Variants in PEAK1 observed in about 807,000 individuals in gnomAD.
PEAK1 encodes the protein inactive tyrosine-protein kinase PEAK1.
In PEAK1, 54 loss-of-function variants were observed where a neutral mutation model predicts 124.7. The observed-to-expected ratio is 0.43, with a 90% CI of 0.35 to 0.54. The LOEUF (loss-of-function observed/expected upper bound fraction) is 0.54, where lower values mean the gene tolerates loss of function less well. Ranked by LOEUF, PEAK1 falls within the 20% of genes least tolerant of loss-of-function variation. PEAK1 has a pLI of 0.01. For missense variants in PEAK1, 2,046 were observed against 2,134.5 expected (o/e 0.96, Z 0.82); for synonymous variants, 719 against 760.0 (o/e 0.95, Z 0.89).
intron 8 of PEAK1, among the ~76,000 whole-genome samples, chr15:77,155,006 A>G (rs1453373976): frequency 6.6e-6 from 1 of 152,012 alleles, no homozygotes; most frequent in Non-Finnish European, 1.5e-5. Flanking sequence ...CGTTCTCTGT[A>G]TTTCCCGAAT....
intron 6 of PEAK1, among the ~76,000 whole-genome samples, chr15:77,216,260 G>A (rs1232563064): frequency 6.6e-6 from 1 of 152,082 alleles, no homozygotes; most frequent in Non-Finnish European, 1.5e-5. Context: ...TTTAATATGA[G>A]GGATCTTCGA....
intron 7 of PEAK1, 123 bp from the exon 8 acceptor site, chr15:77,158,819 C>A: frequency 1.1e-6 from 1 of 889,962 alleles, no homozygotes; most frequent in Non-Finnish European, 1.7e-6. Flanking sequence ...ATACACTTGT[C>A]TGAACACAAG....
rs1035441215 is a variant in PEAK1 at position 77,347,178 on chromosome 15, C to T, written c.-603+17985G>A. 1.5e-5 allele frequency: 14 copies of T among 959,536 alleles called. No homozygotes were observed. In the Admixed American group the frequency reaches 1.8e-4, roughly 13 times the overall value. The allele number at this position is 959,536 out of a possible 1,614,324, so 59.4% of individuals were successfully genotyped here. A position where few individuals can be genotyped will look rare whatever the true frequency, so the allele number is the denominator to read the frequency against. On this transcript the variant is annotated intron_variant, in intron 2 of 9. Coordinates refer to ENST00000682557, the MANE Select transcript of PEAK1 (RefSeq NM_001385026.1). ...AGTGTAGCTGGAGTTTTGTGAACAA[C>T]GTTAACAACGGCAGAAGATAAGATC...
intron 9 of PEAK1, 113 bp downstream of exon 9, chr15:77,132,892 A>G (rs1483907787): frequency 3.7e-6 from 4 of 1,075,258 alleles, no homozygotes; most frequent in Non-Finnish European, 5.4e-6. Context: ...GTAGATGCTC[A>G]ATAATTTGCT....
chr15:77,119,047 G>GGTTGAATTTACTATAAA (rs757232136), intron 9 of PEAK1, among the ~76,000 whole-genome samples: 1 of 150,912 alleles, frequency 6.6e-6, no homozygotes, highest in African/African-American at 2.4e-5. Context: ...ACAAAACCAG[G>GGTTGAATTTACTATAAA]CTGCTGAAGG....
rs1489056040 is a variant in PEAK1 at position 77,181,171 on chromosome 15, C to A, written c.756G>T (p.Trp252Cys). Residue 252 changes from tryptophan (W) to cysteine (C), a missense_variant, in exon 7 of 10, where the codon TGG becomes TGT. Transcript: ENST00000682557. ...CCAACAGCTCTTCATCACTCTCATC[C>A]CAACTCTCGTGCTCCTCCTCCATGT... ...FSNMEEEHES[W>C]DESDEELLAM... is the part of the protein sequence containing the mutation. 3.7e-6 allele frequency: 6 copies of A among 1,614,046 alleles called. No homozygotes were observed. Among genetic ancestry groups the A allele is most frequent in the Non-Finnish European group, 5.1e-6 (6 of 1,180,032 alleles).
intron 1 of PEAK1, among the ~76,000 whole-genome samples, chr15:77,400,535 T>C (rs1199406595): frequency 6.6e-6 from 1 of 152,174 alleles, no homozygotes; most frequent in African/African-American, 2.4e-5. Flanking sequence ...GAGGTCATTA[T>C]GTTATGTGAA....
chr15:77,117,234 A>C (rs2051471367), intron 9 of PEAK1, among the ~76,000 whole-genome samples: 1 of 152,198 alleles, frequency 6.6e-6, no homozygotes, highest in Admixed American at 6.5e-5. Context: ...TTACATTATA[A>C]AAAATGACAC....
chr15:77,217,421 T>C (rs1308792041), intron 6 of PEAK1, among the ~76,000 whole-genome samples: 1 of 152,178 alleles, frequency 6.6e-6, no homozygotes, highest in East Asian at 1.9e-4. Flanking sequence ...AATGATAATA[T>C]CTGATTATTA....
intron 8 of PEAK1, chr15:77,155,981 T>C (rs1163585998): frequency 6.6e-6 from 1 of 152,608 alleles, no homozygotes; most frequent in Non-Finnish European, 1.5e-5. Flanking sequence ...CTGCCCGTTC[T>C]CAGATCTCCA....
chr15:77,317,573 T>G (rs554406969), intron 2 of PEAK1, among the ~76,000 whole-genome samples: 1 of 152,238 alleles, frequency 6.6e-6, no homozygotes, highest in East Asian at 1.9e-4. Context: ...CACAAATGAG[T>G]TGAATCATGA....
At chr15:77,253,075 C>G (rs930300729) in intron 5 of PEAK1, among the ~76,000 whole-genome samples, 1 of 152,080 alleles carries the variant, frequency 6.6e-6, no homozygotes, top group Non-Finnish European at 1.5e-5. Flanking sequence ...GAGCATCTAT[C>G]TTATACATGT....
At chr15:77,402,110 A>T in intron 1 of PEAK1, 1 of 894,220 alleles carries the variant, frequency 1.1e-6, no homozygotes, top group Non-Finnish European at 1.3e-6. Flanking sequence ...GAGACGGGAT[A>T]ATTGTTTCAA....
chr15:77,120,763 G>T (rs1332934730), intron 9 of PEAK1, among the ~76,000 whole-genome samples: 1 of 152,198 alleles, frequency 6.6e-6, no homozygotes, highest in Non-Finnish European at 1.5e-5. Flanking sequence ...CCTCATAGGA[G>T]AAAGTCCTGG....
intron 2 of PEAK1, among the ~76,000 whole-genome samples, chr15:77,362,351 CT>C (rs2067946132): frequency 6.7e-6 from 1 of 150,224 alleles, no homozygotes; most frequent in African/African-American, 2.4e-5. Flanking sequence ...CAATTAAAAA[CT>C]AAAAAAAAAA....
chr15:77,121,420 G>GA (rs748583166), intron 9 of PEAK1, among the ~76,000 whole-genome samples: 31 of 152,318 alleles, frequency 2.0e-4, no homozygotes, highest in Non-Finnish European at 4.0e-4. Flanking sequence ...CAGCTTTTAT[G>GA]AAACAGATAA....
intron 1 of PEAK1, among the ~76,000 whole-genome samples, chr15:77,416,150 A>G (rs527834756): frequency 1.3e-5 from 2 of 152,350 alleles, no homozygotes; most frequent in Non-Finnish European, 2.9e-5. Flanking sequence ...GGCAGGATAC[A>G]GTGTTGACCA....
At chr15:77,141,534 T>A (rs550845977) in intron 8 of PEAK1, among the ~76,000 whole-genome samples, 1 of 152,272 alleles carries the variant, frequency 6.6e-6, no homozygotes, top group East Asian at 1.9e-4. Context: ...GGCAGGCTCA[T>A]CCTAAAATTC....
At chr15:77,159,599 T>C (rs2055450898) in intron 7 of PEAK1, among the ~76,000 whole-genome samples, 1 of 152,224 alleles carries the variant, frequency 6.6e-6, no homozygotes, top group Admixed American at 6.5e-5. Flanking sequence ...ATTCCTAGAT[T>C]ATCACACATT....
Sources: gnomAD v4.1 joint callset for allele counts (sites outside exome capture counted in the v4.1 genomes callset) on GRCh38, gnomAD v4.1.1 for gene constraint, MANE v1.5 for transcripts, NCBI Gene and HGNC (gene_info 2026-07-23, HGNC 2026-07-21) for gene names.